Variants in FAM53A observed in about 807,000 individuals in gnomAD.
The protein encoded by FAM53A is family with sequence similarity 53 member A, also known as protein FAM53A.
Under a neutral mutation model 26.6 loss-of-function variants are expected in FAM53A, and 28 were observed. The observed-to-expected ratio is 1.05, with a 90% CI of 0.78 to 1.45. FAM53A has a LOEUF of 1.45. Among genes scored for constraint, FAM53A ranks in the 40% most tolerant of loss-of-function variants. The pLI, the probability that FAM53A is intolerant of heterozygous loss-of-function variation, is 0.00. For missense variants in FAM53A, 650 were observed against 575.8 expected (o/e 1.13, Z -1.32); for synonymous variants, 290 against 253.1 (o/e 1.15, Z -1.38).
chr4:1,597,512 T>A, the FAM53A span, among the ~76,000 whole-genome samples: 5 of 152,272 alleles, frequency 3.3e-5, no homozygotes, highest in African/African-American at 9.6e-5. Flanking sequence ...CACACAGGTG[T>A]GCCCCCTGCC....
chr4:1,650,486 G>T (rs982624312), intron 4 of FAM53A, among the ~76,000 whole-genome samples: 17 of 151,940 alleles, frequency 1.1e-4, no homozygotes, highest in African/African-American at 1.5e-4. Context: ...TTTGATTTTG[G>T]TTTTTTCTGT....
At chr4:1,646,492 T>C (rs1486041141) in intron 4 of FAM53A, among the ~76,000 whole-genome samples, 2 of 152,218 alleles carry the variant, frequency 1.3e-5, no homozygotes, top group African/African-American at 4.8e-5. Context: ...TCAGTCCTTT[T>C]CTTGGTACCA....
At chr4:1,683,523 A>ACCAG (rs1488520999) in intron 1 of FAM53A, 1 of 152,292 alleles carries the variant, frequency 6.6e-6, no homozygotes, top group African/African-American at 2.4e-5. Flanking sequence ...CTCCCTTGGC[A>ACCAG]CCAGCCACGA....
chr4:1,584,576 T>C, the FAM53A span, among the ~76,000 whole-genome samples: 2 of 152,268 alleles, frequency 1.3e-5, no homozygotes, highest in Non-Finnish European at 2.9e-5. Flanking sequence ...GGCATGTGGC[T>C]GCACCTGGAT....
At chr4:1,661,489 A>G (rs1217844379) in intron 2 of FAM53A, among the ~76,000 whole-genome samples, 2 of 152,122 alleles carry the variant, frequency 1.3e-5, no homozygotes, top group Non-Finnish European at 2.9e-5. Flanking sequence ...AACGCGCTGA[A>G]TGACCTTCAC....
the FAM53A span, among the ~76,000 whole-genome samples, chr4:1,582,646 A>G: frequency 1.3e-5 from 2 of 152,202 alleles, no homozygotes; most frequent in African/African-American, 2.4e-5. Flanking sequence ...TCTTGAGCCC[A>G]GGAGTTCAAG....
the FAM53A span, among the ~76,000 whole-genome samples, chr4:1,604,597 CCAA>C: frequency 6.6e-6 from 1 of 152,086 alleles, no homozygotes; most frequent in East Asian, 1.9e-4. Context: ...CTCCCTCTCT[CCAA>C]CAAGTGCTGG....
intron 4 of FAM53A, among the ~76,000 whole-genome samples, chr4:1,654,475 T>C (rs1433774547): frequency 2.6e-5 from 4 of 152,060 alleles, no homozygotes; most frequent in African/African-American, 9.7e-5. Flanking sequence ...CTGCAGGAGG[T>C]GCCTGTACAG....
chr4:1,657,471 G>A lies in FAM53A; in HGVS notation c.76-3C>T. On this transcript the variant is annotated splice_polypyrimidine_tract_variant and splice_region_variant and intron_variant, in intron 2 of 4. Transcript: ENST00000308132. Reference sequence around the variant, plus strand: ...AGGGTTTCCGCAGAATACTGCAACTGACAGGAAAGAGAAGTTTCAATACTG... The same window carrying A: ...AGGGTTTCCGCAGAATACTGCAACTAACAGGAAAGAGAAGTTTCAATACTG... 6.2e-7 allele frequency: 1 copy of A among 1,613,474 alleles called. No individual in the cohort carries two copies. Among genetic ancestry groups the A allele is most frequent in the East Asian group, 2.2e-5 (1 of 44,892 alleles).
chr4:1,634,051 C>T (rs1311685867), intron 1 of FAM53A, among the ~76,000 whole-genome samples: 2 of 152,274 alleles, frequency 1.3e-5, no homozygotes, highest in Non-Finnish European at 2.9e-5. Context: ...CAGGGAGGGG[C>T]TCTCTGGCAG....
upstream of FAM53A, among the ~76,000 whole-genome samples, chr4:1,685,780 T>G (rs911857924): frequency 1.3e-5 from 2 of 152,076 alleles, no homozygotes; most frequent in Non-Finnish European, 2.9e-5. Flanking sequence ...GCTGGCCAGG[T>G]TACCCAAAGA....
At chr4:1,600,245 G>A in the FAM53A span, among the ~76,000 whole-genome samples, 3 of 152,142 alleles carry the variant, frequency 2.0e-5, no homozygotes, top group African/African-American at 7.2e-5. Context: ...CAGAGTTGGG[G>A]CTCCTCTGCA....
At chr4:1,599,598 G>C in the FAM53A span, among the ~76,000 whole-genome samples, 1 of 152,262 alleles carries the variant, frequency 6.6e-6, no homozygotes, top group East Asian at 1.9e-4. The surrounding 1 kb of genome is among the most constrained non-coding windows in gnomAD (Gnocchi z 6.1). Flanking sequence ...CCCTCAGCCC[G>C]GGGGACCAGA....
intron 1 of FAM53A, among the ~76,000 whole-genome samples, chr4:1,619,451 G>A (rs1333206202): frequency 6.6e-6 from 1 of 152,202 alleles, no homozygotes; most frequent in African/African-American, 2.4e-5. Context: ...CGTCTCTGGG[G>A]TTGGCCCACT....
chr4:1,637,764 G>A (rs983768400), downstream of FAM53A, among the ~76,000 whole-genome samples: 2 of 152,088 alleles, frequency 1.3e-5, no homozygotes, highest in African/African-American at 4.8e-5. Context: ...AGCGCAGGAA[G>A]GGAGCTGTCC....
chr4:1,679,920 G>T lies in FAM53A; in HGVS notation c.-165+4313C>A, dbSNP rs541468641. 4.0e-4 allele frequency among the ~76,000 whole-genome samples: 60 copies of T among 151,814 alleles called. 1 individual carries two copies. The highest frequency in any genetic ancestry group is 3.9e-3 in the Admixed American group (60 of 15,248). Reference sequence around the variant, plus strand: ...AAAATTTAGCTGGGCATGATGGCAGGCGCCTGTAAGCGCAGCTACTCGGGA... The same window carrying T: ...AAAATTTAGCTGGGCATGATGGCAGTCGCCTGTAAGCGCAGCTACTCGGGA... On this transcript the variant is annotated intron_variant, in intron 1 of 4. Transcript: ENST00000308132.
intron 4 of FAM53A, among the ~76,000 whole-genome samples, chr4:1,649,586 T>C (rs1174210435): frequency 6.6e-6 from 1 of 152,200 alleles, no homozygotes; most frequent in African/African-American, 2.4e-5. Context: ...CTGGGGTCAC[T>C]CATTATGGGA....
At chr4:1,626,801 AAC>A (rs1715327908) in intron 1 of FAM53A, among the ~76,000 whole-genome samples, 1 of 152,188 alleles carries the variant, frequency 6.6e-6, no homozygotes, top group African/African-American at 2.4e-5. Context: ...TGGCAGTGCC[AAC>A]ACACAGCCCT....
the FAM53A span, among the ~76,000 whole-genome samples, chr4:1,611,988 C>T: frequency 1.3e-5 from 2 of 152,262 alleles, no homozygotes; most frequent in South Asian, 2.1e-4. Context: ...CACTAAACTG[C>T]GGAATCGATG....
Sources: gnomAD v4.1 joint callset for allele counts (sites outside exome capture counted in the v4.1 genomes callset) on GRCh38, gnomAD v4.1.1 for gene constraint, Gnocchi (gnomAD v3.1) non-coding constraint, MANE v1.5 for transcripts, NCBI Gene and HGNC (gene_info 2026-07-23, HGNC 2026-07-21) for gene names.